TTC4: variants seen among roughly 807,000 people sequenced by gnomAD.
TTC4 encodes hsp70/Hsp90 co-chaperone CNS1 homolog.
Under a neutral mutation model 51.9 loss-of-function variants are expected in TTC4, and 36 were observed. The ratio of observed to expected loss-of-function variants is 0.69; its 90% confidence interval spans 0.53 to 0.92. TTC4 has a LOEUF of 0.92. Among genes scored for constraint, TTC4 ranks in the 40% least tolerant of loss-of-function variants. The pLI is 0.00. For missense variants in TTC4, 399 were observed against 454.6 expected (o/e 0.88, Z 1.11); for synonymous variants, 144 against 164.2 (o/e 0.88, Z 0.94).
intron 3 of TTC4, among the ~76,000 whole-genome samples, chr1:54,720,818 C>T (rs78431891): frequency 6.6e-6 from 1 of 152,046 alleles, no homozygotes; most frequent in African/African-American, 2.4e-5. Flanking sequence ...AAAATACATG[C>T]TAATTTGCTT....
intron 7 of TTC4, among the ~76,000 whole-genome samples, chr1:54,733,406 G>A (rs558122639): frequency 5.4e-5 from 8 of 148,228 alleles, no homozygotes; most frequent in Admixed American, 2.7e-4. Context: ...GTGACAGAGC[G>A]AGACCCTGTC....
chr1:54,716,091 G>T, intron 1 of TTC4, 72 bp downstream of exon 1: 1 of 1,239,556 alleles, frequency 8.1e-7, no homozygotes, highest in Non-Finnish European at 1.2e-6. Flanking sequence ...GGGCTCTGGG[G>T]CACCTCCTTC....
rs752346465 is a variant in TTC4, at chr1:54,731,624, C to T, written c.820C>T (p.Leu274=). ...GCTGAGTCTAGATGGCCAGGGCAGG[C>T]TGAGCTGGCCTGTGCTCTTTCTGTA... ...ARLSLDGQGR[L]SWPVLFLYPE... is the part of the protein sequence containing the mutation. Residue 274 remains leucine (L), a synonymous_variant, in exon 7 of 10, where the codon CTG becomes TTG. Coordinates refer to ENST00000371281, the MANE Select transcript of TTC4 (RefSeq NM_004623.5). 1 of 1,613,988 alleles carries T rather than the reference C, an allele frequency of 6.2e-7. No individual in the cohort carries two copies. The highest frequency in any genetic ancestry group is 8.5e-7 in the Non-Finnish European group (1 of 1,180,032).
At chr1:54,727,882 T>A (rs1051468469) in intron 5 of TTC4, among the ~76,000 whole-genome samples, 1 of 152,092 alleles carries the variant, frequency 6.6e-6, no homozygotes, top group African/African-American at 2.4e-5. Context: ...AAAAAGCACA[T>A]GAAAAGATGT....
At chr1:54,725,195 T>C (rs1184588443) in intron 5 of TTC4, among the ~76,000 whole-genome samples, 1 of 152,176 alleles carries the variant, frequency 6.6e-6, no homozygotes, top group Non-Finnish European at 1.5e-5. Flanking sequence ...TGACCTGACT[T>C]GGAGCTTACC....
Position 54,728,408 on chromosome 1 carries a change from T to C in TTC4, c.657T>C (p.Asn219=). 6.2e-7 allele frequency: 1 copy of C among 1,613,128 alleles called. No homozygotes were observed. The highest frequency in any genetic ancestry group is 1.1e-5 in the South Asian group (1 of 91,012). The change falls in exon 6 of 10, where the codon AAT becomes AAC. Residue 219 remains asparagine, a synonymous_variant. Transcript: ENST00000371281. ...AAGAAAAGAAGGAGAGGAATCAGAA[T>C]GAGGCTTTACTCCAGGCCATCAAGG... The part of the protein sequence containing the change: ...NLKEKKERNQ[N]EALLQAIKAR...
Position 54,721,223 on chromosome 1 carries a change from T to A in TTC4, c.452T>A (p.Leu151His). ...GCCAGAAAGCTAAAACCCTGCCACC[T>A]CAAAGCAATAATAAGAGGTAAGTCT... is the stretch of plus-strand genomic sequence containing the variant. ...TAARKLKPCH[L>H]KAIIRGALCH... The change falls in exon 4 of 10, where the codon CTC becomes CAC. Residue 151 changes from leucine (L) to histidine (H), a missense_variant. Leu to His is a moderately conservative substitution (Grantham distance 99). Around this residue, in one of 3 missense-constraint regions of TTC4, gnomAD observed 316 missense variants for 349.6 expected, o/e 0.90. Transcript: ENST00000371281. 1.9e-6 allele frequency: 3 copies of A among 1,613,276 alleles called. No individual in the cohort carries two copies. The highest frequency in any genetic ancestry group is 8.5e-7 in the Non-Finnish European group (1 of 1,179,418).
At chr1:54,724,780 G>A (rs77889944) in intron 5 of TTC4, among the ~76,000 whole-genome samples, 7,489 of 152,228 alleles carry the variant, frequency 0.049, 439 homozygotes, top group East Asian at 0.14. Context: ...GAGGGGTAGT[G>A]TCAATCACAG....
At chr1:54,724,125 G>T (rs12094622) in intron 5 of TTC4, among the ~76,000 whole-genome samples, 18,423 of 152,176 alleles carry the variant, frequency 0.12, 1,829 homozygotes, top group African/African-American at 0.27. Context: ...AATAGCTGAA[G>T]TATTCCCCTG....
At position 54,732,330 on chromosome 1, in the gene TTC4, AAAAAAT is replaced by A. The variant is rs1257804470; in HGVS notation, c.896+636_896+641del. ...AGCAAGACTCTGTCTCAAAAAAAAA[AAAAAAT>A]AAAAAAGAGATATATGTATGTCTTT... is the stretch of plus-strand genomic sequence containing the variant. On this transcript the variant is annotated intron_variant, in intron 7 of 9. Coordinates refer to ENST00000371281, the MANE Select transcript of TTC4 (RefSeq NM_004623.5). Among the ~76,000 whole-genome samples the A allele has an allele frequency of 4.5e-4, 66 of 146,714 alleles. 1 individual carries two copies. The highest frequency in any genetic ancestry group is 1.6e-3 in the African/African-American group (62 of 39,734).
chr1:54,733,747 ATT>A (rs371403281), intron 8 of TTC4, 37 bp downstream of exon 8: 8,863 of 793,956 alleles, frequency 0.011, no homozygotes, highest in Non-Finnish European at 0.013. Flanking sequence ...TATGGAATTA[ATT>A]TTTTTTTTTT....
intron 3 of TTC4, among the ~76,000 whole-genome samples, chr1:54,718,420 AC>A (rs1325211093): frequency 2.0e-5 from 3 of 152,042 alleles, no homozygotes; most frequent in African/African-American, 7.3e-5. Context: ...TTACTTTATT[AC>A]ATTTTTTTGT....
At position 54,737,636 on chromosome 1, in the gene TTC4, A is replaced by C; in HGVS notation, c.1033A>C (p.Thr345Pro). Reference sequence around the variant, plus strand: ...ACTATACCGGGTGCCTGCCAAGAGCACCTTGCTACAGGTTCTACAGCACCA... The same window carrying C: ...ACTATACCGGGTGCCTGCCAAGAGCCCCTTGCTACAGGTTCTACAGCACCA... Reference protein sequence around the residue: ...AELYRVPAKSTLLQVLQHQRY... With the variant: ...AELYRVPAKSPLLQVLQHQRY... The change falls in exon 9 of 10, where the codon ACC (threonine) becomes CCC (proline). Residue 345 changes from threonine to proline, a missense_variant. This residue lies in a region of TTC4 where 64 missense variants were observed against 61.3 expected (regional missense o/e 1.04). Transcript: ENST00000371281. 1.2e-6 allele frequency: 2 copies of C among 1,613,010 alleles called. No homozygotes were observed. Among genetic ancestry groups the C allele is most frequent in the South Asian group, 2.2e-5 (2 of 90,996 alleles).
At chr1:54,727,223 A>G (rs1325455606) in intron 5 of TTC4, among the ~76,000 whole-genome samples, 5 of 152,186 alleles carry the variant, frequency 3.3e-5, no homozygotes, top group East Asian at 1.9e-4. Flanking sequence ...TGGGGAATTT[A>G]TTTTCAACAA....
At chr1:54,738,197 G>C (rs1206919048) in intron 9 of TTC4, among the ~76,000 whole-genome samples, 1 of 152,058 alleles carries the variant, frequency 6.6e-6, no homozygotes, top group Non-Finnish European at 1.5e-5. Context: ...CACCACTCCC[G>C]GTCAAAAACT....
chr1:54,721,630 T>G (rs181852534), intron 4 of TTC4, among the ~76,000 whole-genome samples: 123 of 152,350 alleles, frequency 8.1e-4, no homozygotes, highest in Admixed American at 1.4e-3. Context: ...TTATGTTTTC[T>G]CTTGTAGTCT....
intron 1 of TTC4, 79 bp from the exon 2 acceptor site, chr1:54,716,521 A>AT: frequency 8.9e-7 from 1 of 1,124,594 alleles, no homozygotes; most frequent in East Asian, 2.4e-5. Flanking sequence ...TGAGTAAAAA[A>AT]ACTTTGGTAA....
intron 6 of TTC4, 145 bp downstream of exon 6, chr1:54,728,577 C>T: frequency 1.2e-6 from 1 of 804,160 alleles, no homozygotes; most frequent in East Asian, 3.0e-5. Flanking sequence ...ACAGAGGAGA[C>T]CAGGCTCTGG....
At chr1:54,737,512 C>T in intron 8 of TTC4, 70 bp from the exon 9 acceptor site, 1 of 1,448,092 alleles carries the variant, frequency 6.9e-7, no homozygotes, top group Admixed American at 1.9e-5. Flanking sequence ...TTAATTTTCC[C>T]TGGGCTTAGC....
Sources: gnomAD v4.1 joint callset for allele counts (sites outside exome capture counted in the v4.1 genomes callset) on GRCh38, gnomAD v4.1.1 for gene constraint, gnomAD v4.1.1 regional missense constraint, MANE v1.5 for transcripts, NCBI Gene and HGNC (gene_info 2026-07-23, HGNC 2026-07-21) for gene names.